IL1RAPL2: variants seen among roughly 807,000 people sequenced by gnomAD.
The protein encoded by IL1RAPL2 is interleukin 1 receptor accessory protein like 2, also known as X-linked interleukin-1 receptor accessory protein-like 2.
IL1RAPL2 carries 3 observed loss-of-function variants against 44.1 expected under a neutral mutation model. That is an observed-to-expected ratio of 0.07 (90% confidence interval 0.03 to 0.18). The LOEUF (loss-of-function observed/expected upper bound fraction) is 0.18. IL1RAPL2 is among the 10% of genes least tolerant of loss of function. The pLI is 1.00. For missense variants in IL1RAPL2, 391 were observed against 496.4 expected, an observed-to-expected ratio of 0.79 and a Z score of 2.02; for synonymous variants, 181 against 178.8, an observed-to-expected ratio of 1.01 and a Z score of -0.10.
chrX:104,907,193 C>A (rs1277220351), intron 2 of IL1RAPL2, among the ~76,000 whole-genome samples: 1 of 111,378 alleles, frequency 9.0e-6, no homozygotes, highest in African/African-American at 3.3e-5. Flanking sequence ...TCTTCTCTCT[C>A]TTTTTCTTTA....
rs138691460 is a variant in IL1RAPL2 at position 105,183,922 on chromosome X, G to T, written c.83-11553G>T. 3.6e-4 allele frequency among the ~76,000 whole-genome samples: 40 copies of T among 111,510 alleles called. No homozygotes were observed. In the East Asian group the frequency reaches 4.8e-3, roughly 13 times the overall value. ...CCATGGCACAGTTTCTTAGGTCTCA[G>T]GGGATGTCTGGGATCCAGGATTAGC... On this transcript the variant is annotated intron_variant, in intron 2 of 10. Transcript: ENST00000372582.
At chrX:105,278,443 T>C (rs1325372894) in intron 5 of IL1RAPL2, among the ~76,000 whole-genome samples, 1 of 111,084 alleles carries the variant, frequency 9.0e-6, no homozygotes, top group Non-Finnish European at 1.9e-5. Context: ...TGTATATTCT[T>C]GGGAGTCTCA....
At chrX:105,448,526 G>A (rs113386263) in intron 5 of IL1RAPL2, among the ~76,000 whole-genome samples, 4,643 of 109,836 alleles carry the variant, frequency 0.042, 233 homozygotes, top group African/African-American at 0.15. Context: ...CACCATGCCC[G>A]GCTAATTTTT....
intron 5 of IL1RAPL2, among the ~76,000 whole-genome samples, chrX:105,324,397 T>C (rs1208911932): frequency 9.0e-6 from 1 of 111,660 alleles, no homozygotes; most frequent in Non-Finnish European, 1.9e-5. Context: ...TGCAAATATC[T>C]GTCATGGCCC....
At position 105,030,957 on chromosome X, in the gene IL1RAPL2, A is replaced by C. The variant is rs1002300868; in HGVS notation, c.83-164518A>C. Among the ~76,000 whole-genome samples, 10 of 111,094 alleles carry C rather than the reference A, an allele frequency of 9.0e-5. No individual in the cohort carries two copies. The East Asian group carries it at 1.4e-3, about 16-fold the overall frequency. Reference sequence around the variant, plus strand: ...GTAGTTCTCCTTGAAGAGGTCCTTCACATCCCTTGTAAGTTGGATTCCTAG... The same window carrying C: ...GTAGTTCTCCTTGAAGAGGTCCTTCCCATCCCTTGTAAGTTGGATTCCTAG... On this transcript the variant is annotated intron_variant, in intron 2 of 10. Coordinates refer to ENST00000372582, the MANE Select transcript of IL1RAPL2 (RefSeq NM_017416.2).
chrX:104,668,454 C>A lies in IL1RAPL2; in HGVS notation c.82+9459C>A, dbSNP rs760003047. 6.9e-5 allele frequency among the ~76,000 whole-genome samples: 7 copies of A among 102,027 alleles called. No homozygotes were observed. In the South Asian group the frequency reaches 3.5e-3, roughly 51 times the overall value. 88.6% of individuals were successfully genotyped at this position (102,027 alleles called of 115,157 possible). ...ACTCGTCATTTAGCATTAGGTATAT[C>A]TCCTAATGCTATCCCTCCCCCCTCC... On this transcript the variant is annotated intron_variant, in intron 2 of 10. Transcript: ENST00000372582.
chrX:104,572,304 A>C (rs1254892067), intron 1 of IL1RAPL2, among the ~76,000 whole-genome samples: 1 of 111,821 alleles, frequency 8.9e-6, no homozygotes, highest in African/African-American at 3.2e-5. Flanking sequence ...CCAGAAGTTT[A>C]AGGCTCTTTA....
intron 1 of IL1RAPL2, among the ~76,000 whole-genome samples, chrX:104,654,053 C>A (rs754830023): frequency 2.7e-5 from 3 of 109,362 alleles, no homozygotes; most frequent in African/African-American, 9.9e-5. Context: ...AAGATAATTT[C>A]CCCCCCACCC....
At chrX:105,618,121 T>TCACACA (rs746820303) in intron 6 of IL1RAPL2, among the ~76,000 whole-genome samples, 89 of 101,234 alleles carry the variant, frequency 8.8e-4, no homozygotes, top group African/African-American at 3.0e-3. Context: ...TCTCTCTCAC[T>TCACACA]CACACACACA....
At chrX:105,233,763 A>G (rs2034095089) in intron 3 of IL1RAPL2, 55 bp from the exon 4 acceptor site, 1 of 1,012,789 alleles carries the variant, frequency 9.9e-7, no homozygotes, top group Non-Finnish European at 1.4e-6. Context: ...TATAGAGCAC[A>G]AACAAAGTTG....
intron 2 of IL1RAPL2, among the ~76,000 whole-genome samples, chrX:104,685,408 C>T (rs763921885): frequency 4.5e-5 from 5 of 111,773 alleles, no homozygotes; most frequent in South Asian, 7.5e-4. Flanking sequence ...GGTACCTGTT[C>T]GGCCAAGTTA....
intron 5 of IL1RAPL2, among the ~76,000 whole-genome samples, chrX:105,345,454 A>C (rs1041628539): frequency 8.9e-6 from 1 of 111,783 alleles, no homozygotes; most frequent in African/African-American, 3.2e-5. Flanking sequence ...TCGTGTTAAT[A>C]TGAAGCCCTC....
intron 2 of IL1RAPL2, among the ~76,000 whole-genome samples, chrX:104,761,905 C>T (rs866796099): frequency 4.7e-4 from 23 of 48,477 alleles, no homozygotes; most frequent in African/African-American, 9.5e-4. Flanking sequence ...TTCTCCTTCT[C>T]CTTCTCCTTC....
intron 1 of IL1RAPL2, among the ~76,000 whole-genome samples, chrX:104,631,938 T>A (rs1221086392): frequency 1.1e-4 from 12 of 110,407 alleles, no homozygotes; most frequent in East Asian, 8.5e-4. Context: ...CTGAATGGTA[T>A]TGCCTAGGTT....
chrX:105,232,199 A>G (rs1157120934), intron 3 of IL1RAPL2, among the ~76,000 whole-genome samples: 1 of 111,806 alleles, frequency 8.9e-6, no homozygotes, highest in African/African-American at 3.3e-5. Flanking sequence ...TAACTTTACC[A>G]GAAGCCTAAG....
intron 1 of IL1RAPL2, among the ~76,000 whole-genome samples, chrX:104,573,117 A>G (rs1403183132): frequency 8.9e-6 from 1 of 112,043 alleles, no homozygotes; most frequent in Non-Finnish European, 1.9e-5. Flanking sequence ...AGATCTCAGT[A>G]TTAGCCTTAG....
intron 3 of IL1RAPL2, among the ~76,000 whole-genome samples, chrX:105,201,352 G>T (rs1242683702): frequency 1.8e-5 from 2 of 111,879 alleles, no homozygotes; most frequent in Non-Finnish European, 3.8e-5. Flanking sequence ...AATCTGTATG[G>T]TGGGTACATG....
intron 2 of IL1RAPL2, among the ~76,000 whole-genome samples, chrX:105,115,861 C>T (rs2032852946): frequency 8.8e-6 from 1 of 113,095 alleles, no homozygotes; most frequent in African/African-American, 3.2e-5. Flanking sequence ...TGGGGAGGCT[C>T]AGGCATGGGG....
chrX:104,634,008 G>C, intron 1 of IL1RAPL2, among the ~76,000 whole-genome samples: 1 of 110,629 alleles, frequency 9.0e-6, no homozygotes, highest in Non-Finnish European at 1.9e-5. Flanking sequence ...TCTACACACT[G>C]CTTTGAATGT....
Sources: gnomAD v4.1 joint callset for allele counts (sites outside exome capture counted in the v4.1 genomes callset) on GRCh38, gnomAD v4.1.1 for gene constraint, MANE v1.5 for transcripts, NCBI Gene and HGNC (gene_info 2026-07-23, HGNC 2026-07-21) for gene names.